Variants in GSK3B observed in about 807,000 individuals in gnomAD.
The protein encoded by GSK3B is glycogen synthase kinase-3 beta.
In GSK3B, 15 loss-of-function variants were observed where a neutral mutation model predicts 56.4. That is an observed-to-expected ratio of 0.27 (90% CI 0.18 to 0.41). GSK3B has a LOEUF of 0.41. Ranked by LOEUF, GSK3B falls within the 10% of genes least tolerant of loss-of-function variation. The probability of loss-of-function intolerance (pLI) is 1.00; values close to 1 mark genes in which losing one functional copy is unlikely to be tolerated. For synonymous variants in GSK3B, 181 were observed against 188.9 expected (o/e 0.96, Z 0.34); for missense variants, 300 against 513.4 (o/e 0.58, Z 4.02).
At chr3:120,054,215 A>G (rs564009870) in intron 1 of GSK3B, among the ~76,000 whole-genome samples, 1 of 152,042 alleles carries the variant, frequency 6.6e-6, no homozygotes, top group African/African-American at 2.4e-5. Flanking sequence ...CCTTAGTTCA[A>G]TCTCTCATTC....
chr3:120,082,719 T>C (rs888710154), intron 1 of GSK3B, among the ~76,000 whole-genome samples: 7 of 152,016 alleles, frequency 4.6e-5, no homozygotes, highest in Non-Finnish European at 1.0e-4. Context: ...TCTTTAAGTG[T>C]AAAACACTCA....
At chr3:120,027,042 G>A (rs2057933888) in intron 1 of GSK3B, among the ~76,000 whole-genome samples, 1 of 146,012 alleles carries the variant, frequency 6.8e-6, no homozygotes, top group Non-Finnish European at 1.5e-5. Flanking sequence ...TTGCAGTCCA[G>A]TCTGAGCCAC....
In GSK3B at chr3:119,863,571, G is replaced by A. The variant is rs780806364; in HGVS notation, c.944C>T (p.Ala315Val). Reference sequence around the variant, plus strand: ...ATACTCCAGCAGACGGCTACACAGTGCAATTGCCTCCGGTGGAGTTCGGGG... The same window carrying A: ...ATACTCCAGCAGACGGCTACACAGTACAATTGCCTCCGGTGGAGTTCGGGG... ...FRPRTPPEAI[A>V]LCSRLLEYTP... Residue 315 changes from alanine to valine, a missense_variant, in exon 9 of 11, where the codon GCA (alanine) becomes GTA (valine). Around this residue, in one of 6 missense-constraint regions of GSK3B, gnomAD observed 38 missense variants for 58.3 expected, o/e 0.65. Transcript: ENST00000264235. 2 of 1,613,036 alleles carry A rather than the reference G, an allele frequency of 1.2e-6. No homozygotes were observed. Among genetic ancestry groups the A allele is most frequent in the Admixed American group, 3.3e-5 (2 of 60,006 alleles).
chr3:120,068,803 G>A (rs567300040), intron 1 of GSK3B, among the ~76,000 whole-genome samples: 7 of 150,746 alleles, frequency 4.6e-5, no homozygotes, highest in African/African-American at 7.3e-5. Context: ...AATTGATGAT[G>A]GATATACAGT....
rs202040450 is a variant in GSK3B at position 119,826,779 on chromosome 3, C to T, written c.*9G>A. 30 of 1,599,736 alleles carry T rather than the reference C, an allele frequency of 1.9e-5. No individual in the cohort carries two copies. In the East Asian group the frequency reaches 2.5e-4, roughly 13 times the overall value. On this transcript the variant is annotated 3_prime_UTR_variant, in exon 11 of 11. Transcript: ENST00000264235. The stretch of plus-strand genomic sequence containing the variant: ...GGTTTTTCCTGTGCAGCTGGCTGCT[C>T]GGGACTGTTCAGGTGGAGTTGGAAG...
chr3:119,911,207 A>C (rs573405993), intron 6 of GSK3B, among the ~76,000 whole-genome samples: 85 of 152,236 alleles, frequency 5.6e-4, no homozygotes, highest in African/African-American at 1.5e-3. Flanking sequence ...GTATTTCTCA[A>C]CCTTTGGGTG....
chr3:119,972,262 A>G (rs1291896714), intron 2 of GSK3B, among the ~76,000 whole-genome samples: 1 of 152,226 alleles, frequency 6.6e-6, no homozygotes, highest in Admixed American at 6.5e-5. Flanking sequence ...GATAGGCATC[A>G]TAATAAATGA....
intron 4 of GSK3B, among the ~76,000 whole-genome samples, chr3:119,917,878 T>C (rs987049130): frequency 2.6e-5 from 4 of 152,134 alleles, no homozygotes; most frequent in Non-Finnish European, 5.9e-5. Flanking sequence ...AGAGGCTTTC[T>C]AGACTAGAAT....
At position 119,891,941 on chromosome 3, in the gene GSK3B, C is replaced by G. The variant is rs368775969; in HGVS notation, c.813+13814G>C. 1.9e-4 allele frequency among the ~76,000 whole-genome samples: 29 copies of G among 152,238 alleles called. No homozygotes were observed. In the South Asian group the frequency reaches 2.5e-3, roughly 13 times the overall value. ...TATTAAATCAATCAATTTATCTGTT[C>G]CTGGCCCTACCTAGTTAGAAATTTA... On this transcript the variant is annotated intron_variant, in intron 7 of 10. Coordinates refer to ENST00000264235, the MANE Select transcript of GSK3B (RefSeq NM_001146156.2).
At chr3:119,971,601 ATTTT>A (rs751790636) in intron 2 of GSK3B, among the ~76,000 whole-genome samples, 57 of 83,848 alleles carry the variant, frequency 6.8e-4, no homozygotes, top group African/African-American at 2.7e-3. Flanking sequence ...ATTTGCAATA[ATTTT>A]TTTTTTTTTT....
intron 7 of GSK3B, among the ~76,000 whole-genome samples, chr3:119,888,708 T>C (rs2056467637): frequency 1.3e-5 from 2 of 152,230 alleles, no homozygotes; most frequent in South Asian, 4.1e-4. Flanking sequence ...GAGCCATATT[T>C]TTCTTCTTGC....
intron 2 of GSK3B, among the ~76,000 whole-genome samples, chr3:119,993,341 A>T (rs897366395): frequency 1.3e-5 from 2 of 152,044 alleles, no homozygotes; most frequent in African/African-American, 4.8e-5. Flanking sequence ...AACATAAATA[A>T]TTTTTTTAAT....
intron 1 of GSK3B, among the ~76,000 whole-genome samples, chr3:120,010,128 T>TA (rs1364678846): frequency 1.3e-5 from 2 of 152,030 alleles, no homozygotes; most frequent in Admixed American, 6.6e-5. Context: ...TAAGCCAATA[T>TA]AAAAAAAGCA....
chr3:120,003,316 T>C (rs1257486396), intron 1 of GSK3B, among the ~76,000 whole-genome samples: 1 of 152,224 alleles, frequency 6.6e-6, no homozygotes, highest in African/African-American at 2.4e-5. Flanking sequence ...GTCACCATCT[T>C]GTTTTCTGAA....
At chr3:120,083,906 T>A (rs184495235) in intron 1 of GSK3B, among the ~76,000 whole-genome samples, 1 of 152,212 alleles carries the variant, frequency 6.6e-6, no homozygotes, top group African/African-American at 2.4e-5. Flanking sequence ...TCCATTTATA[T>A]GAAATGTCCA....
At chr3:120,032,582 G>A (rs2057986945) in intron 1 of GSK3B, among the ~76,000 whole-genome samples, 1 of 152,128 alleles carries the variant, frequency 6.6e-6, no homozygotes. Flanking sequence ...AGAAGACTGA[G>A]GCAGGAGGAT....
chr3:119,955,916 G>A (rs1191775482), intron 2 of GSK3B, among the ~76,000 whole-genome samples: 1 of 152,114 alleles, frequency 6.6e-6, no homozygotes, highest in Non-Finnish European at 1.5e-5. Flanking sequence ...GCCTCCCAAA[G>A]TGCTGGGATT....
At chr3:120,010,750 C>A (rs1042412735) in intron 1 of GSK3B, among the ~76,000 whole-genome samples, 1 of 151,300 alleles carries the variant, frequency 6.6e-6, no homozygotes, top group African/African-American at 2.5e-5. Flanking sequence ...AAGGGAGACC[C>A]TGTCTCTAAA....
chr3:119,915,977 A>T, intron 5 of GSK3B, 67 bp downstream of exon 5: 1 of 1,104,910 alleles, frequency 9.1e-7, no homozygotes, highest in Non-Finnish European at 1.3e-6. Flanking sequence ...AAAGGAATAT[A>T]TTTAAAAGAA....
Sources: gnomAD v4.1 joint callset for allele counts (sites outside exome capture counted in the v4.1 genomes callset) on GRCh38, gnomAD v4.1.1 for gene constraint, gnomAD v4.1.1 regional missense constraint, MANE v1.5 for transcripts, NCBI Gene and HGNC (gene_info 2026-07-23, HGNC 2026-07-21) for gene names.